The following QSOX2 variants were observed in gnomAD, a reference collection of about 807,000 sequenced individuals.
QSOX2 encodes sulfhydryl oxidase 2.
Under a neutral mutation model 61.7 loss-of-function variants are expected in QSOX2, and 46 were observed. The ratio of observed to expected loss-of-function variants is 0.75; its 90% CI spans 0.59 to 0.95. QSOX2 has a LOEUF of 0.95. Among genes scored for constraint, QSOX2 ranks in the 40% least tolerant of loss-of-function variants. The probability of loss-of-function intolerance (pLI) is 0.00; values close to 1 mark genes in which losing one functional copy is unlikely to be tolerated. For missense variants in QSOX2, 879 were observed against 918.9 expected, an observed-to-expected ratio of 0.96 and a Z score of 0.56; for synonymous variants, 383 against 388.4, an observed-to-expected ratio of 0.99 and a Z score of 0.16.
chr9:136,232,178 G>A (rs377004197), intron 1 of QSOX2, among the ~76,000 whole-genome samples: 2 of 152,142 alleles, frequency 1.3e-5, no homozygotes, highest in South Asian at 4.1e-4. Flanking sequence ...CGTTATCTGA[G>A]GACCTGCCGT....
At chr9:136,240,266 C>T (rs1830423850) in intron 1 of QSOX2, among the ~76,000 whole-genome samples, 1 of 152,228 alleles carries the variant, frequency 6.6e-6, no homozygotes, top group East Asian at 1.9e-4. Context: ...AGTAGATTAA[C>T]ATTTATTTCA....
rs1380171519 is a variant in QSOX2 at position 136,216,536 on chromosome 9, G to GGGCAAGGGAAGGAA, written c.1209+50_1209+63dup. The stretch of plus-strand genomic sequence containing the variant: ...CCGAGCAGGGAGATGCACCAGCTAA[G>GGGCAAGGGAAGGAA]GGCAAGGGAAGGAAGGCGAGGGAAG... On this transcript the variant is annotated intron_variant, in intron 9 of 11. Coordinates refer to ENST00000358701, the MANE Select transcript of QSOX2 (RefSeq NM_181701.4). The GGGCAAGGGAAGGAA allele has an allele frequency of 1.9e-6, 3 of 1,595,324 alleles. No homozygotes were observed. In the African/African-American group the frequency reaches 4.0e-5, roughly 21 times the overall value.
chr9:136,226,973 AC>A, intron 1 of QSOX2, 99 bp from the exon 2 acceptor site: 1 of 884,382 alleles, frequency 1.1e-6, no homozygotes, highest in Non-Finnish European at 1.9e-6. Context: ...CACCTGCGAG[AC>A]CAGCCCACCT....
In QSOX2 at chr9:136,209,347, C is replaced by T. The variant is rs1244398097; in HGVS notation, c.1550-72G>A. ...GCAGCCACGTGCAGCGTGCGGCAAC[C>T]GGACTCCCACTCCCACCCACCACGG... On this transcript the variant is annotated intron_variant, in intron 11 of 11. Coordinates refer to ENST00000358701, the MANE Select transcript of QSOX2 (RefSeq NM_181701.4). The surrounding 1 kb of genome is among the most constrained non-coding windows in gnomAD (Gnocchi z 5.6). The T allele has an allele frequency of 3.2e-5, 49 of 1,552,486 alleles. 1 individual carries two copies. The South Asian group carries it at 3.8e-4, about 12-fold the overall frequency.
chr9:136,226,424 C>A (rs78371706), intron 2 of QSOX2, among the ~76,000 whole-genome samples: 2 of 152,180 alleles, frequency 1.3e-5, no homozygotes, highest in African/African-American at 2.4e-5. Flanking sequence ...ACGGACCACA[C>A]GCGTGGCTTC....
Position 136,235,590 on chromosome 9 carries a change from G to A in QSOX2, c.329-8716C>T, listed in dbSNP as rs1476572878. Among the ~76,000 whole-genome samples, 3 of 152,260 alleles carry A rather than the reference G, an allele frequency of 2.0e-5. 1 individual carries two copies. The South Asian group carries it at 6.2e-4, about 32-fold the overall frequency. On this transcript the variant is annotated intron_variant, in intron 1 of 11. Transcript: ENST00000358701. Reference sequence around the variant, plus strand: ...AACAGCCACGGGCAGCCACTGATGTGCGTGGAGAACTCATAACCACCACGA... The same window carrying A: ...AACAGCCACGGGCAGCCACTGATGTACGTGGAGAACTCATAACCACCACGA...
chr9:136,224,134 C>T (rs1830257578), intron 3 of QSOX2, 22 bp from the exon 4 acceptor site: 1 of 1,596,538 alleles, frequency 6.3e-7, no homozygotes, highest in Non-Finnish European at 8.6e-7. Context: ...ACACCAGGGT[C>T]AGAGCTGTGT....
chr9:136,213,325 C>G (rs1831871247), intron 10 of QSOX2, among the ~76,000 whole-genome samples: 1 of 147,448 alleles, frequency 6.8e-6, no homozygotes, highest in Non-Finnish European at 1.5e-5. Context: ...CTCACTGCAA[C>G]CTCCAGTGCT....
rs955706601 is a variant in QSOX2 at position 136,223,099 on chromosome 9, A to C, written c.675+664T>G. 6.6e-6 allele frequency among the ~76,000 whole-genome samples: 1 copy of C among 152,186 alleles called. No individual in the cohort carries two copies. The highest frequency in any genetic ancestry group is 6.5e-5 in the Admixed American group (1 of 15,284). On this transcript the variant is annotated intron_variant, in intron 5 of 11. Transcript: ENST00000358701. The surrounding 1 kb of genome is among the most constrained non-coding windows in gnomAD (Gnocchi z 4.4). ...TCGCAGGGGCAAAGCTGTTTCCTAC[A>C]TTCACCGCAAGGCCCCTCACAGTGG...
chr9:136,240,114 G>A (rs1830422743), intron 1 of QSOX2, among the ~76,000 whole-genome samples: 1 of 152,190 alleles, frequency 6.6e-6, no homozygotes. Context: ...AGGGGCGGGG[G>A]TGCCCAACCC....
intron 10 of QSOX2, among the ~76,000 whole-genome samples, chr9:136,211,673 G>C (rs978848207): frequency 6.6e-6 from 1 of 152,216 alleles, no homozygotes; most frequent in South Asian, 2.1e-4. Context: ...CAATGACTGT[G>C]GACAGCCCAG....
rs774324178 is a variant in QSOX2, at chr9:136,218,812, G to C, written c.957-4C>G. ...GTCCACCGTGTACAGCTTCGACCTA[G>C]GACGGGATATGGCAGCGTCAGGGAA... On this transcript the variant is annotated splice_polypyrimidine_tract_variant and splice_region_variant and intron_variant, in intron 7 of 11. Coordinates refer to ENST00000358701, the MANE Select transcript of QSOX2 (RefSeq NM_181701.4). The C allele has an allele frequency of 6.2e-7, 1 of 1,612,814 alleles. No individual in the cohort carries two copies. Among genetic ancestry groups the C allele is most frequent in the African/African-American group, 1.3e-5 (1 of 75,036 alleles).
rs758251753 is a variant in QSOX2, at chr9:136,222,468, C to A, written c.676-527G>T. On this transcript the variant is annotated intron_variant, in intron 5 of 11. Coordinates refer to ENST00000358701, the MANE Select transcript of QSOX2 (RefSeq NM_181701.4). The surrounding 1 kb of genome is among the most constrained non-coding windows in gnomAD (Gnocchi z 6.9). ...AGGATTTTGGAAGAAACCCTGCGTGCGCCACCACCACATCGGGCGTACGTC... is the reference window on the plus strand; with the variant it reads ...AGGATTTTGGAAGAAACCCTGCGTGAGCCACCACCACATCGGGCGTACGTC... 2.3e-4 allele frequency among the ~76,000 whole-genome samples: 35 copies of A among 152,186 alleles called. No homozygotes were observed. The highest frequency in any genetic ancestry group is 4.1e-4 in the Non-Finnish European group (28 of 68,046).
chr9:136,216,752 A>G, intron 8 of QSOX2, 30 bp from the exon 9 acceptor site: 1 of 1,611,058 alleles, frequency 6.2e-7, no homozygotes. Context: ...CCTGAGAGCT[A>G]CAGACCCAAA....
chr9:136,231,984 C>A (rs1415274606), intron 1 of QSOX2, among the ~76,000 whole-genome samples: 1 of 151,712 alleles, frequency 6.6e-6, no homozygotes, highest in Non-Finnish European at 1.5e-5. Context: ...AACCTCTGCT[C>A]TGGAACTGTC....
At chr9:136,230,599 CCT>C (rs557883029) in intron 1 of QSOX2, among the ~76,000 whole-genome samples, 143 of 152,388 alleles carry the variant, frequency 9.4e-4, no homozygotes, top group African/African-American at 3.2e-3. Flanking sequence ...ACAAATCCAC[CCT>C]GTCACTGGCT....
chr9:136,210,381 T>C, intron 11 of QSOX2: 1 of 985,426 alleles, frequency 1.0e-6, no homozygotes, highest in African/African-American at 1.7e-5. Context: ...TGGGGGCACA[T>C]GCGGGCTGGG....
intron 1 of QSOX2, among the ~76,000 whole-genome samples, chr9:136,234,753 C>T (rs914167634): frequency 6.9e-6 from 1 of 143,942 alleles, no homozygotes. Context: ...CTCCACAAGG[C>T]CCCCCAGCTC....
Position 136,209,298 on chromosome 9 carries a change from G to A in QSOX2, c.1550-23C>T. On this transcript the variant is annotated intron_variant, in intron 11 of 11. Coordinates refer to ENST00000358701, the MANE Select transcript of QSOX2 (RefSeq NM_181701.4). This position sits in a 1 kb window ranked among gnomAD's most constrained non-coding sequence, Gnocchi z 5.6. ...GGCCTAGGAAGAAAAGGAAGCGGGA[G>A]AGCCAGAGGGAAGGAGGCTTTGTGC... 1 of 1,602,498 alleles carries A rather than the reference G, an allele frequency of 6.2e-7. No homozygotes were observed. The highest frequency in any genetic ancestry group is 1.1e-5 in the South Asian group (1 of 90,304).
Sources: gnomAD v4.1 joint callset for allele counts (sites outside exome capture counted in the v4.1 genomes callset) on GRCh38, gnomAD v4.1.1 for gene constraint, Gnocchi (gnomAD v3.1) non-coding constraint, MANE v1.5 for transcripts, NCBI Gene and HGNC (gene_info 2026-07-23, HGNC 2026-07-21) for gene names.